LCLAT1: variants seen among roughly 807,000 people sequenced by gnomAD.
LCLAT1 encodes the protein lysocardiolipin acyltransferase 1.
Under a neutral mutation model 30.7 loss-of-function variants are expected in LCLAT1, and 11 were observed. The ratio of observed to expected loss-of-function variants is 0.36; its 90% CI spans 0.23 to 0.59. The LOEUF is 0.59. Among genes scored for constraint, LCLAT1 ranks in the 20% least tolerant of loss-of-function variants. The pLI, the probability that LCLAT1 is intolerant of heterozygous loss-of-function variation, is 0.77. For synonymous variants in LCLAT1, 155 were observed against 151.3 expected (o/e 1.02, Z -0.18); for missense variants, 402 against 458.6 (o/e 0.88, Z 1.13).
At chr2:30,522,839 A>T (rs1004433481) in intron 1 of LCLAT1, among the ~76,000 whole-genome samples, 3 of 152,244 alleles carry the variant, frequency 2.0e-5, no homozygotes, top group Non-Finnish European at 4.4e-5. Flanking sequence ...AGCATGATAT[A>T]GCAGAAGAAG....
intron 5 of LCLAT1, among the ~76,000 whole-genome samples, chr2:30,571,535 A>G (rs559203855): frequency 6.6e-5 from 10 of 152,338 alleles, no homozygotes; most frequent in African/African-American, 1.9e-4. Context: ...CAGTCTGTCT[A>G]CTGCCTACAG....
At chr2:30,542,323 T>G (rs746169195) in intron 3 of LCLAT1, among the ~76,000 whole-genome samples, 2 of 152,188 alleles carry the variant, frequency 1.3e-5, no homozygotes, top group African/African-American at 4.8e-5. Flanking sequence ...CTTCTTAACT[T>G]TATGTGTGAC....
chr2:30,552,502 AT>A (rs1664724630), intron 3 of LCLAT1: 1 of 447,600 alleles, frequency 2.2e-6, no homozygotes, highest in Non-Finnish European at 4.5e-6. Flanking sequence ...GCACAGTCAC[AT>A]TTGAAACCTA....
At chr2:30,502,429 T>C (rs1031677637) in intron 1 of LCLAT1, among the ~76,000 whole-genome samples, 8 of 152,222 alleles carry the variant, frequency 5.3e-5, no homozygotes, top group Non-Finnish European at 1.0e-4. Flanking sequence ...CAATTGTTTT[T>C]AGACTGTTCA....
intron 1 of LCLAT1, chr2:30,476,493 C>G: frequency 2.2e-6 from 1 of 456,658 alleles, no homozygotes; most frequent in South Asian, 1.5e-5. Flanking sequence ...GGCCCTATAA[C>G]TGTGCTTGCA....
Position 30,525,756 on chromosome 2 carries a change from G to GT in LCLAT1, c.165+2dup. The GT allele has an allele frequency of 6.2e-7, 1 of 1,613,992 alleles. No individual in the cohort carries two copies. The highest frequency in any genetic ancestry group is 8.5e-7 in the Non-Finnish European group (1 of 1,179,982). The stretch of plus-strand genomic sequence containing the variant: ...GGCAACATGGCTCACCCTACCTGTG[G>GT]TAAGTTACACACCAGAGGAGACTGT... On this transcript the variant is annotated splice_donor_variant, in intron 2 of 5. Coordinates refer to ENST00000379509, the MANE Select transcript of LCLAT1 (RefSeq NM_001002257.3). LOFTEE classifies it high-confidence loss of function.
In LCLAT1 at chr2:30,486,880, A is replaced by G. The variant is rs116780920; in HGVS notation, c.-4-38707A>G. 8.7e-3 allele frequency among the ~76,000 whole-genome samples: 1,326 copies of G among 152,296 alleles called. 5 individuals carry two copies. The highest frequency in any genetic ancestry group is 0.015 in the Non-Finnish European group (1,039 of 68,016). Reference sequence around the variant, plus strand: ...GTGAGCCTTCCTCCTCCACCCTATGAGTATTACATATGCAAGAAGCAAATT... The same window carrying G: ...GTGAGCCTTCCTCCTCCACCCTATGGGTATTACATATGCAAGAAGCAAATT... On this transcript the variant is annotated intron_variant, in intron 1 of 5. Transcript: ENST00000379509.
chr2:30,607,979 G>T, intron 5 of LCLAT1: 1 of 180,986 alleles, frequency 5.5e-6, no homozygotes. Flanking sequence ...AAGTCTTTTT[G>T]TACAACTTTA....
chr2:30,499,604 A>G (rs562442758), intron 1 of LCLAT1, among the ~76,000 whole-genome samples: 1 of 152,208 alleles, frequency 6.6e-6, no homozygotes, highest in South Asian at 2.1e-4. Flanking sequence ...TGAACTCTGA[A>G]TTTCTGTGAT....
At position 30,640,862 on chromosome 2, in the gene LCLAT1, GAAT is replaced by G; in HGVS notation, c.*245_*247del. The G allele has an allele frequency of 2.4e-6, 1 of 413,478 alleles. No homozygotes were observed. The highest frequency in any genetic ancestry group is 4.3e-6 in the Non-Finnish European group (1 of 234,110). 25.6% of individuals were successfully genotyped at this position (413,478 alleles called of 1,614,324 possible). A position where few individuals can be genotyped will look rare whatever the true frequency, so the allele number is the denominator to read the frequency against. On this transcript the variant is annotated 3_prime_UTR_variant, in exon 6 of 6. Coordinates refer to ENST00000379509, the MANE Select transcript of LCLAT1 (RefSeq NM_001002257.3). ...GATCGGGGTGAAATAACTTGGGCCA[GAAT>G]ATTATTAAACAATCATCAGGCTTTT...
At chr2:30,475,339 C>G (rs1479161086) in intron 1 of LCLAT1, among the ~76,000 whole-genome samples, 5 of 152,046 alleles carry the variant, frequency 3.3e-5, no homozygotes, top group Admixed American at 6.6e-5. Flanking sequence ...GGCACTGGGT[C>G]TTTTTTGGAT....
At chr2:30,512,322 A>G (rs1289664682) in intron 1 of LCLAT1, among the ~76,000 whole-genome samples, 2 of 152,174 alleles carry the variant, frequency 1.3e-5, no homozygotes, top group Non-Finnish European at 2.9e-5. Flanking sequence ...AATGCTTTGT[A>G]ACTCCTCATT....
chr2:30,592,202 C>T (rs76125436), intron 5 of LCLAT1, among the ~76,000 whole-genome samples: 1,969 of 152,242 alleles, frequency 0.013, 45 homozygotes, highest in African/African-American at 0.044. Context: ...AACCAAAACT[C>T]GGGCATGGAA....
intron 1 of LCLAT1, among the ~76,000 whole-genome samples, chr2:30,482,322 C>T (rs1414776561): frequency 1.3e-5 from 2 of 151,998 alleles, no homozygotes; most frequent in Non-Finnish European, 2.9e-5. Flanking sequence ...ATAATTAGCA[C>T]TGGCTACAAC....
chr2:30,486,815 AG>A lies in LCLAT1; in HGVS notation c.-4-38770del, dbSNP rs895197261. Among the ~76,000 whole-genome samples the A allele has an allele frequency of 2.2e-4, 34 of 152,336 alleles. 1 individual carries two copies. The highest frequency in any genetic ancestry group is 2.2e-4 in the Non-Finnish European group (15 of 68,032). ...TGCAGAGCCACAGTGCAAGCAGCCT[AG>A]GTCCCTGAATGACTATGTAAGAGAA... On this transcript the variant is annotated intron_variant, in intron 1 of 5. Transcript: ENST00000379509.
At chr2:30,586,954 G>A (rs956795581) in intron 5 of LCLAT1, among the ~76,000 whole-genome samples, 1 of 152,112 alleles carries the variant, frequency 6.6e-6, no homozygotes, top group Non-Finnish European at 1.5e-5. Context: ...AAACTTCTTG[G>A]AAGAGCTGTT....
intron 1 of LCLAT1, among the ~76,000 whole-genome samples, chr2:30,464,044 C>A (rs980857063): frequency 6.6e-6 from 1 of 152,150 alleles, no homozygotes; most frequent in African/African-American, 2.4e-5. Context: ...CTGAATTTGC[C>A]TTTTAAAAGG....
intron 1 of LCLAT1, among the ~76,000 whole-genome samples, chr2:30,521,976 T>C (rs1045681781): frequency 6.6e-6 from 1 of 152,242 alleles, no homozygotes; most frequent in African/African-American, 2.4e-5. Context: ...GAGTCTGGCC[T>C]CTTTCATTCA....
intron 1 of LCLAT1, among the ~76,000 whole-genome samples, chr2:30,466,830 A>G (rs956858786): frequency 1.6e-4 from 25 of 152,264 alleles, no homozygotes; most frequent in African/African-American, 5.5e-4. Context: ...CATTAATTCA[A>G]CAGTTATTTA....
Sources: gnomAD v4.1 joint callset for allele counts (sites outside exome capture counted in the v4.1 genomes callset) on GRCh38, gnomAD v4.1.1 for gene constraint, MANE v1.5 for transcripts, NCBI Gene and HGNC (gene_info 2026-07-23, HGNC 2026-07-21) for gene names.